Variants in ABCA13 observed in about 807,000 individuals in gnomAD.
ABCA13 encodes ATP-binding cassette sub-family A member 13.
ABCA13 carries 476 observed loss-of-function variants against 478.7 expected under a neutral mutation model. The ratio of observed to expected loss-of-function variants is 0.99; its 90% CI spans 0.92 to 1.07. The LOEUF is 1.07. Among genes scored for constraint, ABCA13 ranks in the 50% least tolerant of loss-of-function variants. The pLI is 0.00. For synonymous variants in ABCA13, 2,252 were observed against 2,158.9 expected (o/e 1.04, Z -1.20); for missense variants, 6,060 against 5,910.6 (o/e 1.03, Z -0.83).
At chr7:48,362,148 T>C (rs1316855254) in intron 31 of ABCA13, among the ~76,000 whole-genome samples, 1 of 151,972 alleles carries the variant, frequency 6.6e-6, no homozygotes, top group Non-Finnish European at 1.5e-5. Flanking sequence ...TTATTTTTGT[T>C]ATGTAGGATT....
intron 55 of ABCA13, among the ~76,000 whole-genome samples, chr7:48,569,627 T>G (rs1349306465): frequency 6.6e-6 from 1 of 152,040 alleles, no homozygotes; most frequent in Non-Finnish European, 1.5e-5. Flanking sequence ...CACGTTCTAG[T>G]GATTCTCCTG....
intron 29 of ABCA13, among the ~76,000 whole-genome samples, chr7:48,348,536 A>G (rs1808454357): frequency 6.6e-6 from 1 of 152,226 alleles, no homozygotes; most frequent in South Asian, 2.1e-4. Context: ...TTATTCTTCT[A>G]TGAATTCAGT....
intron 48 of ABCA13, among the ~76,000 whole-genome samples, chr7:48,500,975 G>A (rs184994933): frequency 1.3e-4 from 20 of 152,282 alleles, no homozygotes; most frequent in Admixed American, 7.9e-4. Context: ...GAAAAGATGC[G>A]TGTTGAATGA....
At chr7:48,602,944 C>T (rs1791065867) in intron 58 of ABCA13, among the ~76,000 whole-genome samples, 1 of 152,120 alleles carries the variant, frequency 6.6e-6, no homozygotes, top group African/African-American at 2.4e-5. Flanking sequence ...AGGTACTTCA[C>T]ATTCCTTGTA....
intron 21 of ABCA13, 108 bp downstream of exon 21, chr7:48,295,971 C>T (rs1052673354): frequency 2.3e-6 from 3 of 1,277,622 alleles, no homozygotes; most frequent in African/African-American, 3.0e-5. Context: ...ATAATATACT[C>T]TTAATGTGCA....
chr7:48,410,991 CT>C (rs1436167128), intron 40 of ABCA13, among the ~76,000 whole-genome samples: 1 of 95,638 alleles, frequency 1.0e-5, no homozygotes, highest in Non-Finnish European at 2.2e-5. Flanking sequence ...TTCTTTCTTT[CT>C]TTCTTTCTTT....
At chr7:48,251,636 C>T (rs186035987) in intron 15 of ABCA13, among the ~76,000 whole-genome samples, 121 of 151,830 alleles carry the variant, frequency 8.0e-4, no homozygotes, top group African/African-American at 2.7e-3. Flanking sequence ...TATTAAGAAA[C>T]GGAATTTAAA....
At chr7:48,606,256 A>C (rs1426664999) in intron 58 of ABCA13, among the ~76,000 whole-genome samples, 4 of 152,060 alleles carry the variant, frequency 2.6e-5, no homozygotes, top group Non-Finnish European at 4.4e-5. Flanking sequence ...TGTTCCCTTG[A>C]TGGCGAGGAG....
chr7:48,441,605 T>A (rs1048723448), intron 42 of ABCA13, among the ~76,000 whole-genome samples: 1 of 152,204 alleles, frequency 6.6e-6, no homozygotes, highest in African/African-American at 2.4e-5. Flanking sequence ...TGCACTTTTG[T>A]CCTTGTCTCT....
intron 58 of ABCA13, among the ~76,000 whole-genome samples, chr7:48,614,584 A>G (rs1254144734): frequency 6.6e-6 from 1 of 151,000 alleles, no homozygotes; most frequent in Non-Finnish European, 1.5e-5. Flanking sequence ...ACACATGCAC[A>G]CGTATGTTTA....
intron 38 of ABCA13, among the ~76,000 whole-genome samples, chr7:48,402,094 A>G (rs1339710031): frequency 6.6e-6 from 1 of 152,176 alleles, no homozygotes; most frequent in Non-Finnish European, 1.5e-5. Context: ...TGCCAGGTGT[A>G]TGAAGAGGAG....
At position 48,273,419 on chromosome 7, in the gene ABCA13, G is replaced by A. The variant is rs1795885787; in HGVS notation, c.3753G>A (p.Glu1251=). The A allele has an allele frequency of 1.2e-6, 2 of 1,613,184 alleles. No individual in the cohort carries two copies. The highest frequency in any genetic ancestry group is 1.7e-6 in the Non-Finnish European group (2 of 1,179,644). ...TTTCAGTAAAAAAACTTAACTTGGA[G>A]CAAGTGGAGAAATCCCTTTTCACCA... The part of the protein sequence containing the change: ...ALVSVKKLNL[E]QVEKSLFTME... The change falls in exon 17 of 62, where the codon GAG becomes GAA. Residue 1251 remains glutamate, a synonymous_variant. Transcript: ENST00000435803.
chr7:48,420,658 G>T (rs143697165), intron 41 of ABCA13, among the ~76,000 whole-genome samples: 1 of 151,498 alleles, frequency 6.6e-6, no homozygotes, highest in African/African-American at 2.4e-5. Flanking sequence ...AGTTCCTTGG[G>T]TGCATGAACT....
chr7:48,528,361 C>T lies in ABCA13; in HGVS notation c.14354+16C>T. 1 of 1,503,904 alleles carries T rather than the reference C, an allele frequency of 6.6e-7. No homozygotes were observed. 93.2% of individuals were successfully genotyped at this position (1,503,904 alleles called of 1,614,324 possible). On this transcript the variant is annotated intron_variant, in intron 55 of 61. Coordinates refer to ENST00000435803, the MANE Select transcript of ABCA13 (RefSeq NM_152701.5). ...CTCCCATGGGGTAAGATACAGATTT[C>T]ATCATTTTTGTTGCTTAAAGAGATA... is the stretch of plus-strand genomic sequence containing the variant.
At chr7:48,359,122 A>G (rs1228832274) in intron 31 of ABCA13, among the ~76,000 whole-genome samples, 1 of 152,012 alleles carries the variant, frequency 6.6e-6, no homozygotes, top group South Asian at 2.1e-4. Context: ...TGCCCAGTGC[A>G]TTGGCTTGTA....
At position 48,387,856 on chromosome 7, in the gene ABCA13, C is replaced by T. The variant is rs1310444307; in HGVS notation, c.11370C>T (p.Pro3790=). ...GTTTACGGAAACCATGGTATTTCCC[C>T]TTTACTGCCTCATATTGGAAGAGTG... ...TFGLRKPWYF[P]FTASYWKSVG... is the part of the protein sequence containing the mutation. The change falls in exon 36 of 62, where the codon CCC becomes CCT. Residue 3790 remains proline (P), a synonymous_variant. Coordinates refer to ENST00000435803, the MANE Select transcript of ABCA13 (RefSeq NM_152701.5). 1.2e-6 allele frequency: 2 copies of T among 1,603,730 alleles called. No homozygotes were observed. Among genetic ancestry groups the T allele is most frequent in the Non-Finnish European group, 8.5e-7 (1 of 1,175,996 alleles).
At chr7:48,321,893 A>G (rs1199762819) in intron 27 of ABCA13, among the ~76,000 whole-genome samples, 1 of 152,174 alleles carries the variant, frequency 6.6e-6, no homozygotes, top group Non-Finnish European at 1.5e-5. Flanking sequence ...TGGCTGTGGG[A>G]GTCCTGGGCC....
rs186943585 is a variant in ABCA13 at position 48,520,602 on chromosome 7, T to G, written c.14051+308T>G. On this transcript the variant is annotated intron_variant, in intron 53 of 61. Coordinates refer to ENST00000435803, the MANE Select transcript of ABCA13 (RefSeq NM_152701.5). ...AGTTCTATGGTACATGTGCACAATGTGCAGGTTTGTTACATATGTATACAT... is the reference window on the plus strand; with the variant it reads ...AGTTCTATGGTACATGTGCACAATGGGCAGGTTTGTTACATATGTATACAT... 7.3e-3 allele frequency among the ~76,000 whole-genome samples: 1,113 copies of G among 152,272 alleles called. 8 individuals carry two copies. The highest frequency in any genetic ancestry group is 0.025 in the African/African-American group (1,052 of 41,540).
intron 41 of ABCA13, among the ~76,000 whole-genome samples, chr7:48,416,384 G>A (rs1819985789): frequency 6.6e-6 from 1 of 152,126 alleles, no homozygotes; most frequent in Admixed American, 6.5e-5. Flanking sequence ...GGGGTGCTGA[G>A]AGAGCTGGGC....
Sources: gnomAD v4.1 joint callset for allele counts (sites outside exome capture counted in the v4.1 genomes callset) on GRCh38, gnomAD v4.1.1 for gene constraint, MANE v1.5 for transcripts, NCBI Gene and HGNC (gene_info 2026-07-23, HGNC 2026-07-21) for gene names.